Variants in AMBRA1 observed in about 807,000 individuals in gnomAD.
AMBRA1 encodes the protein activating molecule in BECN1-regulated autophagy protein 1.
In AMBRA1, 47 loss-of-function variants were observed where a neutral mutation model predicts 125.4. The ratio of observed to expected loss-of-function variants is 0.37; its 90% CI spans 0.30 to 0.48. The LOEUF (loss-of-function observed/expected upper bound fraction) is 0.48. Ranked by LOEUF, AMBRA1 falls within the 20% of genes least tolerant of loss-of-function variation. AMBRA1 has a pLI of 0.99. For synonymous variants in AMBRA1, 626 were observed against 655.5 expected, an observed-to-expected ratio of 0.95 and a Z score of 0.69; for missense variants, 1,331 against 1,693.4, an observed-to-expected ratio of 0.79 and a Z score of 3.76.
At chr11:46,495,278 A>G (rs1950592916) in intron 9 of AMBRA1, 1 of 152,226 alleles carries the variant, frequency 6.6e-6, no homozygotes. Flanking sequence ...CTCCCTTTGG[A>G]TTATCTTCAA....
At position 46,497,117 on chromosome 11, in the gene AMBRA1, A is replaced by T. The variant is rs1021231464; in HGVS notation, c.2340-2913T>A. On this transcript the variant is annotated intron_variant, in intron 9 of 17. Transcript: ENST00000683756. ...CAGGGCAAGACTCTGTCTCAAAAAT[A>T]AATAAATAAATAAAATAAAATAAAA... is the stretch of plus-strand genomic sequence containing the variant. 2.0e-5 allele frequency among the ~76,000 whole-genome samples: 3 copies of T among 151,924 alleles called. No individual in the cohort carries two copies. In the South Asian group the frequency reaches 6.2e-4, roughly 31 times the overall value.
At position 46,448,046 on chromosome 11, in the gene AMBRA1, TAG is replaced by T. The variant is rs749629802; in HGVS notation, c.2522-4450_2522-4449del. ...TACATCAGCATCAACAGACAGCTTA[TAG>T]AGAGATGTCCTTGTGTAAGAGACTG... On this transcript the variant is annotated intron_variant, in intron 11 of 17. Coordinates refer to ENST00000683756, the MANE Select transcript of AMBRA1 (RefSeq NM_001387011.1). Among the ~76,000 whole-genome samples, 9 of 152,196 alleles carry T rather than the reference TAG, an allele frequency of 5.9e-5. No individual in the cohort carries two copies. The South Asian group carries it at 1.0e-3, about 18-fold the overall frequency.
At chr11:46,564,398 T>C (rs2043449699) in intron 1 of AMBRA1, among the ~76,000 whole-genome samples, 1 of 152,088 alleles carries the variant, frequency 6.6e-6, no homozygotes, top group South Asian at 2.1e-4. Context: ...CTCACAATGA[T>C]ACTATGAAGA....
At chr11:46,438,037 A>C (rs1947813790) in intron 12 of AMBRA1, among the ~76,000 whole-genome samples, 1 of 152,180 alleles carries the variant, frequency 6.6e-6, no homozygotes, top group Non-Finnish European at 1.5e-5. Context: ...ATGTTGCCGG[A>C]CTGGGACTAC....
intron 11 of AMBRA1, among the ~76,000 whole-genome samples, chr11:46,489,679 G>A (rs1020832939): frequency 6.6e-6 from 1 of 152,150 alleles, no homozygotes; most frequent in Non-Finnish European, 1.5e-5. Flanking sequence ...AAAAGATTAT[G>A]CAGGACAGAC....
chr11:46,487,993 T>C (rs1167393543), intron 11 of AMBRA1, among the ~76,000 whole-genome samples: 2 of 151,938 alleles, frequency 1.3e-5, no homozygotes, highest in African/African-American at 4.8e-5. Flanking sequence ...TCAACAACCA[T>C]AAAAGAACTG....
chr11:46,542,707 G>C lies in AMBRA1; in HGVS notation c.1310C>G (p.Pro437Arg). 1 of 1,614,136 alleles carries C rather than the reference G, an allele frequency of 6.2e-7. No individual in the cohort carries two copies. Among genetic ancestry groups the C allele is most frequent in the Middle Eastern group, 1.6e-4 (1 of 6,062 alleles). ...CACCGAAGAGGCACTGGTTCTGGGC[G>C]GGGGCATGGATTCCGCCTCAGAGCG... ...NSRSEAESMPPPRTSASSVSL... is the reference protein window; with the variant it reads ...NSRSEAESMPRPRTSASSVSL... The change falls in exon 7 of 18, where the codon CCG becomes CGG. Residue 437 changes from proline (P) to arginine (R), a missense_variant. Physicochemically the swap from Pro to Arg is moderately radical, Grantham distance 103 (BLOSUM62 -2). Transcript: ENST00000683756. The surrounding 1 kb of genome is among the most constrained non-coding windows in gnomAD (Gnocchi z 5.9).
At chr11:46,443,898 C>G (rs1322674352) in intron 11 of AMBRA1, among the ~76,000 whole-genome samples, 1 of 152,084 alleles carries the variant, frequency 6.6e-6, no homozygotes, top group Non-Finnish European at 1.5e-5. Context: ...CTGGTAGGCT[C>G]AACATCTAAA....
intron 11 of AMBRA1, among the ~76,000 whole-genome samples, chr11:46,445,067 AAAAC>A (rs1289792246): frequency 4.0e-5 from 6 of 150,880 alleles, no homozygotes; most frequent in African/African-American, 1.5e-4. Flanking sequence ...AAAAAAAAGA[AAAAC>A]AAAAAAAAAA....
intron 11 of AMBRA1, among the ~76,000 whole-genome samples, chr11:46,447,520 G>C (rs1431033855): frequency 6.6e-6 from 1 of 152,064 alleles, no homozygotes; most frequent in Non-Finnish European, 1.5e-5. Context: ...GGGCAACAGA[G>C]CAAGATTCTG....
intron 11 of AMBRA1, among the ~76,000 whole-genome samples, chr11:46,468,978 T>C (rs931239790): frequency 6.6e-6 from 1 of 151,172 alleles, no homozygotes; most frequent in African/African-American, 2.4e-5. Flanking sequence ...ACCCCGTCTC[T>C]ACTAAACATA....
At chr11:46,428,582 TC>T in intron 14 of AMBRA1, 2 of 1,201,182 alleles carry the variant, frequency 1.7e-6, no homozygotes, top group Non-Finnish European at 2.3e-6. Flanking sequence ...CACTTCTTCT[TC>T]TTCTTCTTCT....
chr11:46,401,846 G>A (rs1217567729), intron 17 of AMBRA1, among the ~76,000 whole-genome samples: 1 of 152,324 alleles, frequency 6.6e-6, no homozygotes, highest in East Asian at 1.9e-4. Context: ...GGTTAAGTCT[G>A]CACCCTGTTC....
At chr11:46,462,076 G>T (rs767877255) in intron 11 of AMBRA1, among the ~76,000 whole-genome samples, 1 of 152,088 alleles carries the variant, frequency 6.6e-6, no homozygotes, top group Non-Finnish European at 1.5e-5. Flanking sequence ...AAAGGCCTGT[G>T]GCAAATTTCT....
At chr11:46,568,363 GAGA>G (rs534440809) in intron 1 of AMBRA1, among the ~76,000 whole-genome samples, 86 of 151,490 alleles carry the variant, frequency 5.7e-4, no homozygotes, top group African/African-American at 2.0e-3. Context: ...AAGGCTGAGG[GAGA>G]AGAATTGCTT....
chr11:46,451,857 G>A (rs1420569282), intron 11 of AMBRA1: 1 of 144,064 alleles, frequency 6.9e-6, no homozygotes, highest in East Asian at 2.1e-4. Flanking sequence ...TGAGCTGGAG[G>A]AGAGCTGAGA....
intron 14 of AMBRA1, among the ~76,000 whole-genome samples, chr11:46,432,863 C>T (rs559209709): frequency 1.2e-4 from 18 of 152,328 alleles, no homozygotes; most frequent in Non-Finnish European, 1.8e-4. Flanking sequence ...GGACGTGGGA[C>T]GTTCACTCAG....
At chr11:46,485,027 T>A (rs1484863909) in intron 11 of AMBRA1, among the ~76,000 whole-genome samples, 1 of 150,104 alleles carries the variant, frequency 6.7e-6, no homozygotes, top group African/African-American at 2.5e-5. Context: ...AACCTTTGCC[T>A]CCCGGGTTCA....
At chr11:46,407,819 CT>C (rs1340109690) in intron 17 of AMBRA1, among the ~76,000 whole-genome samples, 2 of 151,974 alleles carry the variant, frequency 1.3e-5, no homozygotes, top group East Asian at 1.9e-4. Flanking sequence ...TTGGAGGCTG[CT>C]TTGTTTGGAG....
Sources: gnomAD v4.1 joint callset for allele counts (sites outside exome capture counted in the v4.1 genomes callset) on GRCh38, gnomAD v4.1.1 for gene constraint, Gnocchi (gnomAD v3.1) non-coding constraint, MANE v1.5 for transcripts, NCBI Gene and HGNC (gene_info 2026-07-23, HGNC 2026-07-21) for gene names.